Variants in MTHFD1 observed in about 807,000 individuals in gnomAD.
The protein encoded by MTHFD1 is C-1-tetrahydrofolate synthase, cytoplasmic.
A neutral mutation model predicts 110.3 loss-of-function variants in MTHFD1; 44 were observed. The observed-to-expected ratio is 0.40, with a 90% confidence interval of 0.31 to 0.51. MTHFD1 has a LOEUF of 0.51. Ranked by LOEUF, MTHFD1 falls within the 20% of genes least tolerant of loss-of-function variation. MTHFD1 has a pLI of 0.60. For missense variants in MTHFD1, 909 were observed against 1,173.1 expected (o/e 0.77, Z 3.29); for synonymous variants, 402 against 428.8 (o/e 0.94, Z 0.77).
intron 1 of MTHFD1, 131 bp downstream of exon 1, chr14:64,388,599 C>A: frequency 1.2e-6 from 1 of 828,346 alleles, no homozygotes; most frequent in Non-Finnish European, 2.1e-6. Context: ...CACCTGAAGA[C>A]CTGCAGCCAA....
intron 1 of MTHFD1, among the ~76,000 whole-genome samples, chr14:64,389,428 C>A (rs944128283): frequency 9.2e-5 from 14 of 152,040 alleles, no homozygotes; most frequent in African/African-American, 3.4e-4. Flanking sequence ...GGTGAAAAGT[C>A]CGGGCCCAGT....
At chr14:64,421,818 G>A (rs1254450447) in intron 8 of MTHFD1, among the ~76,000 whole-genome samples, 1 of 151,864 alleles carries the variant, frequency 6.6e-6, no homozygotes, top group Non-Finnish European at 1.5e-5. Context: ...GTAGAGACGG[G>A]GTTTCACCAT....
At chr14:64,421,835 C>G (rs1401776485) in intron 8 of MTHFD1, among the ~76,000 whole-genome samples, 1 of 152,070 alleles carries the variant, frequency 6.6e-6, no homozygotes, top group Non-Finnish European at 1.5e-5. Flanking sequence ...CCATGTTAGC[C>G]AGGATGGTCT....
At chr14:64,391,591 A>G (rs1413904903) in intron 1 of MTHFD1, among the ~76,000 whole-genome samples, 10 of 152,194 alleles carry the variant, frequency 6.6e-5, no homozygotes, top group African/African-American at 2.4e-5. Flanking sequence ...GAGCTCGGAC[A>G]TCAACAAAGT....
intron 1 of MTHFD1, among the ~76,000 whole-genome samples, chr14:64,395,727 A>G (rs2077843124): frequency 6.6e-6 from 1 of 152,146 alleles, no homozygotes; most frequent in African/African-American, 2.4e-5. Context: ...GGCATCTAGC[A>G]GTAGAGGCCA....
chr14:64,440,205 G>C lies in MTHFD1; in HGVS notation c.1754G>C (p.Arg585Thr), dbSNP rs1280425087. Residue 585 changes from arginine to threonine, a missense_variant, in exon 18 of 28, where the codon AGA (arginine) becomes ACA (threonine). Physicochemically the swap from Arg to Thr is moderately conservative, Grantham distance 71. This residue lies in a region of MTHFD1 where 482 missense variants were observed against 646.0 expected (regional missense o/e 0.75). Coordinates refer to ENST00000652337, the MANE Select transcript of MTHFD1 (RefSeq NM_005956.4). The stretch of plus-strand genomic sequence containing the variant: ...ACTTCTCTAGAAGACATGAGAGAGA[G>C]ACTGGGCAAAATGGTGGTGGCATCC... The part of the protein sequence containing the change: ...LTTSLEDMRE[R>T]LGKMVVASSK... 1 of 1,614,072 alleles carries C rather than the reference G, an allele frequency of 6.2e-7. No individual in the cohort carries two copies. Among genetic ancestry groups the C allele is most frequent in the African/African-American group, 1.3e-5 (1 of 74,916 alleles).
At chr14:64,441,622 T>G (rs3742611) in intron 19 of MTHFD1, 169 bp downstream of exon 19, 7 of 648,788 alleles carry the variant, frequency 1.1e-5, no homozygotes, top group South Asian at 9.4e-5. Context: ...CTGGCTAACA[T>G]GGTGAAACCC....
chr14:64,456,304 A>ATC (rs1362643856), intron 26 of MTHFD1, among the ~76,000 whole-genome samples: 1 of 152,202 alleles, frequency 6.6e-6, no homozygotes, highest in Non-Finnish European at 1.5e-5. Context: ...AAATGGTTTA[A>ATC]TCACTATTCT....
intron 12 of MTHFD1, among the ~76,000 whole-genome samples, chr14:64,428,931 G>A (rs1026799608): frequency 6.6e-6 from 1 of 151,986 alleles, no homozygotes; most frequent in African/African-American, 2.4e-5. Context: ...ACTTCAGCAC[G>A]AGCTATTCCT....
chr14:64,425,714 A>G lies in MTHFD1; in HGVS notation c.856-16A>G. The G allele has an allele frequency of 6.2e-7, 1 of 1,604,250 alleles. No homozygotes were observed. Among genetic ancestry groups the G allele is most frequent in the Non-Finnish European group, 8.5e-7 (1 of 1,172,654 alleles). On this transcript the variant is annotated splice_polypyrimidine_tract_variant and intron_variant, in intron 9 of 27. Coordinates refer to ENST00000652337, the MANE Select transcript of MTHFD1 (RefSeq NM_005956.4). Reference sequence around the variant, plus strand: ...TAACCACCTCTTCTAAGTTTCATTTATTTCATTTTGCTTAGAGCACAGTAG... The same window carrying G: ...TAACCACCTCTTCTAAGTTTCATTTGTTTCATTTTGCTTAGAGCACAGTAG...
chr14:64,453,960 C>T (rs931669372), intron 25 of MTHFD1, 99 bp downstream of exon 25: 3 of 757,600 alleles, frequency 4.0e-6, no homozygotes, highest in Admixed American at 2.0e-5. Flanking sequence ...CCCGTTGCTT[C>T]ACTTCTCTGG....
At chr14:64,450,924 T>C (rs939209685) in intron 24 of MTHFD1, among the ~76,000 whole-genome samples, 6 of 152,014 alleles carry the variant, frequency 3.9e-5, no homozygotes, top group African/African-American at 1.5e-4. Context: ...CCCCAGCACT[T>C]TGGGAGGCCG....
chr14:64,395,288 T>C (rs1439433737), intron 1 of MTHFD1, among the ~76,000 whole-genome samples: 1 of 152,256 alleles, frequency 6.6e-6, no homozygotes, highest in East Asian at 1.9e-4. Context: ...CTTAACACAC[T>C]TATGCCTGTA....
In MTHFD1 at chr14:64,411,124, A is replaced by G. The variant is rs2077980050; in HGVS notation, c.161A>G (p.Asn54Ser). The G allele has an allele frequency of 6.2e-7, 1 of 1,613,362 alleles. No homozygotes were observed. The highest frequency in any genetic ancestry group is 8.5e-7 in the Non-Finnish European group (1 of 1,179,708). The change falls in exon 3 of 28, where the codon AAT becomes AGT. Residue 54 changes from asparagine (N) to serine (S), a missense_variant. Around this residue, in one of 3 missense-constraint regions of MTHFD1, gnomAD observed 424 missense variants for 510.4 expected, o/e 0.83. Coordinates refer to ENST00000652337, the MANE Select transcript of MTHFD1 (RefSeq NM_005956.4). ...AGAGATGATTCCAATCTTTATATAA[A>G]TGTGAAGCTGAAGGCTGCTGAAGAG... ...GNRDDSNLYI[N>S]VKLKAAEEIG...
chr14:64,424,536 A>T (rs1353952709), intron 8 of MTHFD1, among the ~76,000 whole-genome samples: 1 of 152,216 alleles, frequency 6.6e-6, no homozygotes, highest in Non-Finnish European at 1.5e-5. Context: ...AATAAAAAAC[A>T]GTTGGTATTT....
chr14:64,425,991 T>C, intron 10 of MTHFD1, 28 bp from the exon 11 acceptor site: 1 of 1,613,184 alleles, frequency 6.2e-7, no homozygotes, highest in Non-Finnish European at 8.5e-7. Context: ...TGGATAAACA[T>C]TAATACCTAT....
chr14:64,417,329 A>G lies in MTHFD1; in HGVS notation c.479-559A>G, dbSNP rs766318111. ...AAAAATGGATGCTGTGATAGCAAAA[A>G]GAAAGCTTTGCTGCCACAGTTCAAT... On this transcript the variant is annotated intron_variant, in intron 6 of 27. Coordinates refer to ENST00000652337, the MANE Select transcript of MTHFD1 (RefSeq NM_005956.4). The surrounding 1 kb of genome is among the most constrained non-coding windows in gnomAD (Gnocchi z 4.4). 1.3e-5 allele frequency among the ~76,000 whole-genome samples: 2 copies of G among 152,256 alleles called. No homozygotes were observed. The highest frequency in any genetic ancestry group is 2.9e-5 in the Non-Finnish European group (2 of 68,040).
intron 26 of MTHFD1, chr14:64,455,109 A>G: frequency 1.9e-6 from 1 of 521,394 alleles, no homozygotes; most frequent in Non-Finnish European, 3.5e-6. Context: ...CTCATACTGA[A>G]TAAAAAATTC....
At chr14:64,444,838 C>CCAGGGTG in intron 22 of MTHFD1, 104 bp downstream of exon 22, 1 of 1,331,954 alleles carries the variant, frequency 7.5e-7, no homozygotes, top group Non-Finnish European at 1.1e-6. Context: ...TTGCTGTGAC[C>CCAGGGTG]CAGGGTGCAG....
Sources: allele counts gnomAD v4.1 joint callset (sites outside exome capture counted in the v4.1 genomes callset), GRCh38; gene constraint gnomAD v4.1.1; regional missense constraint gnomAD v4.1.1; non-coding constraint Gnocchi (gnomAD v3.1); transcripts MANE v1.5; gene names NCBI Gene and HGNC (gene_info 2026-07-23, HGNC 2026-07-21).